RASGEF1A: variants seen among roughly 807,000 people sequenced by gnomAD.
RASGEF1A encodes ras-GEF domain-containing family member 1A.
Under a neutral mutation model 56.4 loss-of-function variants are expected in RASGEF1A, and 18 were observed. That is an observed-to-expected ratio of 0.32 (90% CI 0.22 to 0.47). RASGEF1A has a LOEUF of 0.47. Among genes scored for constraint, RASGEF1A ranks in the 20% least tolerant of loss-of-function variants. The pLI, the probability that RASGEF1A is intolerant of heterozygous loss-of-function variation, is 1.00. For missense variants in RASGEF1A, 422 were observed against 627.1 expected, an observed-to-expected ratio of 0.67 and a Z score of 3.49; for synonymous variants, 245 against 242.6, an observed-to-expected ratio of 1.01 and a Z score of -0.09.
chr10:43,253,766 G>A (rs1006971304), intron 1 of RASGEF1A, among the ~76,000 whole-genome samples: 1 of 152,268 alleles, frequency 6.6e-6, no homozygotes, highest in African/African-American at 2.4e-5. Context: ...AGGCAGGCCG[G>A]CCAGCGCCTT....
intron 1 of RASGEF1A, among the ~76,000 whole-genome samples, chr10:43,228,326 C>T (rs1255589182): frequency 1.3e-5 from 2 of 152,226 alleles, no homozygotes; most frequent in African/African-American, 4.8e-5. Context: ...ACAGACAGCC[C>T]CCTCCTTCAC....
At chr10:43,223,755 G>T (rs1052259706) in intron 1 of RASGEF1A, among the ~76,000 whole-genome samples, 1 of 151,998 alleles carries the variant, frequency 6.6e-6, no homozygotes, top group Non-Finnish European at 1.5e-5. Flanking sequence ...GGAGGGCCAG[G>T]CACCCTGGAT....
In RASGEF1A at chr10:43,229,694, C is replaced by T. The variant is rs774328723; in HGVS notation, c.-6-23572G>A. The T allele has an allele frequency of 4.3e-5, 62 of 1,442,132 alleles. No individual in the cohort carries two copies. In the South Asian group the frequency reaches 7.9e-4, roughly 18 times the overall value. 89.3% of individuals were successfully genotyped at this position (1,442,132 alleles called of 1,614,324 possible). On this transcript the variant is annotated intron_variant, in intron 1 of 12. Transcript: ENST00000395810. ...CCCCGCGCCGTCCTGCCCGGTCCGG[C>T]GTCCAGCGAGCGGCGGCTCCTCTGC...
intron 1 of RASGEF1A, among the ~76,000 whole-genome samples, chr10:43,224,871 G>A (rs1840252543): frequency 6.6e-6 from 1 of 152,154 alleles, no homozygotes; most frequent in African/African-American, 2.4e-5. Flanking sequence ...AAACTAGTAA[G>A]GTATCAATAA....
Position 43,215,995 on chromosome 10 carries a change from A to C in RASGEF1A, c.-6-9873T>G, listed in dbSNP as rs186025410. 5.3e-4 allele frequency among the ~76,000 whole-genome samples: 80 copies of C among 152,292 alleles called. No individual in the cohort carries two copies. The East Asian group carries it at 0.015, about 28-fold the overall frequency. On this transcript the variant is annotated intron_variant, in intron 1 of 12. Coordinates refer to ENST00000395810, the MANE Select transcript of RASGEF1A (RefSeq NM_145313.4). The stretch of plus-strand genomic sequence containing the variant: ...AGAAGCGCTGGCGCCAAAGCCTGGG[A>C]GCTTTTGGCCCATTAGATCTCTGGC...
chr10:43,196,696 G>T lies in RASGEF1A; in HGVS notation c.1349-148C>A. On this transcript the variant is annotated intron_variant, in intron 11 of 12. Coordinates refer to ENST00000395810, the MANE Select transcript of RASGEF1A (RefSeq NM_145313.4). The surrounding 1 kb of genome is among the most constrained non-coding windows in gnomAD (Gnocchi z 4.6). ...GTTCTCTGCTGTGCGGGGCTCTCAG[G>T]CTGCCTGTTGGGGACTCTAGGAAGG... The T allele has an allele frequency of 1.2e-6, 1 of 814,668 alleles. No individual in the cohort carries two copies. Among genetic ancestry groups the T allele is most frequent in the Non-Finnish European group, 2.0e-6 (1 of 505,416 alleles). 50.5% of individuals were successfully genotyped at this position (814,668 alleles called of 1,614,324 possible).
At chr10:43,266,790 G>GC (rs1334143978) in intron 1 of RASGEF1A, 55 bp downstream of exon 1, 1 of 145,948 alleles carries the variant, frequency 6.9e-6, no homozygotes, top group African/African-American at 2.5e-5. Context: ...GGAGGGCACG[G>GC]CCCCAGGCGC....
intron 1 of RASGEF1A, among the ~76,000 whole-genome samples, chr10:43,256,145 T>C (rs1028101208): frequency 6.6e-6 from 1 of 152,098 alleles, no homozygotes; most frequent in African/African-American, 2.4e-5. Context: ...CCCATGCTAA[T>C]GACTGTCCTG....
intron 1 of RASGEF1A, among the ~76,000 whole-genome samples, chr10:43,220,785 A>T (rs1439997289): frequency 3.0e-5 from 3 of 101,630 alleles, no homozygotes; most frequent in Non-Finnish European, 6.8e-5. Flanking sequence ...ACTCTGTCTT[A>T]AAAAAAAAAA....
At position 43,195,990 on chromosome 10, in the gene RASGEF1A, A is replaced by G; in HGVS notation, c.*254T>C. Reference sequence around the variant, plus strand: ...CATTTCATTAGAATAAGATGTTATCATGGATACCATCTCCCATGATACTCT... The same window carrying G: ...CATTTCATTAGAATAAGATGTTATCGTGGATACCATCTCCCATGATACTCT... On this transcript the variant is annotated 3_prime_UTR_variant, in exon 13 of 13. Coordinates refer to ENST00000395810, the MANE Select transcript of RASGEF1A (RefSeq NM_145313.4). This position sits in a 1 kb window ranked among gnomAD's most constrained non-coding sequence, Gnocchi z 4.2. 2.9e-6 allele frequency: 1 copy of G among 348,550 alleles called. No homozygotes were observed. Among genetic ancestry groups the G allele is most frequent in the Non-Finnish European group, 5.2e-6 (1 of 194,104 alleles). The allele number at this position is 348,550 out of a possible 1,614,324, so 21.6% of individuals were successfully genotyped here. A position where few individuals can be genotyped will look rare whatever the true frequency, so the allele number is the denominator to read the frequency against.
At chr10:43,259,712 C>T (rs1300282378) in intron 1 of RASGEF1A, among the ~76,000 whole-genome samples, 1 of 152,192 alleles carries the variant, frequency 6.6e-6, no homozygotes, top group African/African-American at 2.4e-5. Flanking sequence ...CACTCAGAAG[C>T]CAGGTGCCAC....
At chr10:43,200,953 T>C (rs1407807893) in intron 4 of RASGEF1A, 65 bp from the exon 5 acceptor site, 3 of 1,456,694 alleles carry the variant, frequency 2.1e-6, no homozygotes, top group East Asian at 2.3e-5. Flanking sequence ...CCACTGTGGG[T>C]AGGATCCATC....
At chr10:43,251,332 T>G (rs1331518958) in intron 1 of RASGEF1A, among the ~76,000 whole-genome samples, 1 of 152,174 alleles carries the variant, frequency 6.6e-6, no homozygotes, top group East Asian at 1.9e-4. Flanking sequence ...GACTGTGTGC[T>G]TCCCATCTGC....
chr10:43,197,586 C>T (rs1183723309), intron 10 of RASGEF1A, among the ~76,000 whole-genome samples: 2 of 152,176 alleles, frequency 1.3e-5, no homozygotes, highest in Non-Finnish European at 2.9e-5. Context: ...CCATCCTCAC[C>T]AGGTGCCCTC....
At chr10:43,203,747 C>A in intron 2 of RASGEF1A, 1 of 1,084,432 alleles carries the variant, frequency 9.2e-7, no homozygotes, top group East Asian at 8.5e-5. Context: ...TGGTAGGGCT[C>A]CATGGTGCTC....
chr10:43,226,570 C>T (rs918224332), intron 1 of RASGEF1A, among the ~76,000 whole-genome samples: 2 of 152,164 alleles, frequency 1.3e-5, no homozygotes, highest in African/African-American at 4.8e-5. Flanking sequence ...CCCCACGCCT[C>T]GTGTCCCATC....
At chr10:43,203,471 G>T (rs375170375) in intron 2 of RASGEF1A, 51 bp from the exon 3 acceptor site, 4 of 1,468,694 alleles carry the variant, frequency 2.7e-6, no homozygotes, top group South Asian at 2.7e-5. Flanking sequence ...GCAGGCCCCC[G>T]GGGGCTCACC....
At chr10:43,266,308 C>A (rs1453731924) in intron 1 of RASGEF1A, among the ~76,000 whole-genome samples, 1 of 152,220 alleles carries the variant, frequency 6.6e-6, no homozygotes, top group African/African-American at 2.4e-5. Flanking sequence ...GAGGGAGACA[C>A]CTGGCATGGC....
At chr10:43,227,655 G>T (rs1198207774) in intron 1 of RASGEF1A, among the ~76,000 whole-genome samples, 1 of 152,080 alleles carries the variant, frequency 6.6e-6, no homozygotes, top group Non-Finnish European at 1.5e-5. Context: ...CTGCAGGGTG[G>T]AGCAAGCCAG....
Sources: gnomAD v4.1 joint callset for allele counts (sites outside exome capture counted in the v4.1 genomes callset) on GRCh38, gnomAD v4.1.1 for gene constraint, Gnocchi (gnomAD v3.1) non-coding constraint, MANE v1.5 for transcripts, NCBI Gene and HGNC (gene_info 2026-07-23, HGNC 2026-07-21) for gene names.